The following PDE12 variants were observed in gnomAD, a reference collection of about 807,000 sequenced individuals.
PDE12 encodes phosphodiesterase 12.
Under a neutral mutation model 45.4 loss-of-function variants are expected in PDE12, and 26 were observed. That is an observed-to-expected ratio of 0.57 (90% CI 0.42 to 0.79). The LOEUF is 0.79. Among genes scored for constraint, PDE12 ranks in the 30% least tolerant of loss-of-function variants. PDE12 has a pLI of 0.00. For synonymous variants in PDE12, 283 were observed against 323.9 expected (o/e 0.87, Z 1.36); for missense variants, 668 against 790.0 (o/e 0.85, Z 1.85).
chr3:57,561,976 C>T lies in PDE12; in HGVS notation c.*1972C>T. 1.0e-6 allele frequency: 1 copy of T among 984,378 alleles called. No homozygotes were observed. The highest frequency in any genetic ancestry group is 1.2e-6 in the Non-Finnish European group (1 of 829,028). The allele number at this position is 984,378 out of a possible 1,614,324, so 61.0% of individuals were successfully genotyped here. The stretch of plus-strand genomic sequence containing the variant: ...TACCAAATTGTGCCTTCCTAAATAA[C>T]ATTTTTGAGAGCATTTTAACAGCAG... On this transcript the variant is annotated 3_prime_UTR_variant, in exon 3 of 3. Transcript: ENST00000311180.
chr3:57,640,903 C>T, the PDE12 span, among the ~76,000 whole-genome samples: 1 of 151,944 alleles, frequency 6.6e-6, no homozygotes, highest in Non-Finnish European at 1.5e-5. Flanking sequence ...AATTCATATA[C>T]TTAAACATCT....
At chr3:57,579,837 G>T in the PDE12 span, among the ~76,000 whole-genome samples, 1 of 152,058 alleles carries the variant, frequency 6.6e-6, no homozygotes, top group Non-Finnish European at 1.5e-5. Context: ...TGGCTGGCAT[G>T]GCACCTCTAA....
chr3:57,584,469 A>T, the PDE12 span: 1 of 1,610,066 alleles, frequency 6.2e-7, no homozygotes, highest in South Asian at 1.1e-5. Context: ...ATCCAACTAG[A>T]AGAAGACATT....
At chr3:57,640,921 TCC>T in the PDE12 span, among the ~76,000 whole-genome samples, 1 of 151,954 alleles carries the variant, frequency 6.6e-6, no homozygotes, top group Non-Finnish European at 1.5e-5. Flanking sequence ...TCTGTTAAAC[TCC>T]TACCATGAAC....
At chr3:57,569,298 C>T (rs556649909), downstream of PDE12, among the ~76,000 whole-genome samples, 1 of 152,134 alleles carries the variant, frequency 6.6e-6, no homozygotes, top group South Asian at 2.1e-4. Flanking sequence ...AAAAAAAATA[C>T]AAAGACTGAA....
At chr3:57,638,669 ATAAC>A in the PDE12 span, among the ~76,000 whole-genome samples, 3 of 152,124 alleles carry the variant, frequency 2.0e-5, no homozygotes, top group Admixed American at 2.0e-4. Flanking sequence ...AAATAAATAA[ATAAC>A]TAAATAAATA....
chr3:57,624,758 C>T, the PDE12 span, among the ~76,000 whole-genome samples: 58,190 of 149,926 alleles, frequency 0.39, 12,548 homozygotes, highest in South Asian at 0.56. Flanking sequence ...TGCAAGACTC[C>T]GTCTCAAGAA....
At chr3:57,628,354 G>C in the PDE12 span, 10 of 1,611,324 alleles carry the variant, frequency 6.2e-6, no homozygotes, top group Non-Finnish European at 6.8e-6. Context: ...AACTACATAA[G>C]GAACATTTCA....
chr3:57,617,605 G>A, the PDE12 span, among the ~76,000 whole-genome samples: 1 of 152,070 alleles, frequency 6.6e-6, no homozygotes, highest in Admixed American at 6.6e-5. Flanking sequence ...GCTCACACCT[G>A]TAATTCCAGC....
the PDE12 span, among the ~76,000 whole-genome samples, chr3:57,641,347 G>T: frequency 2.1e-5 from 3 of 141,168 alleles, no homozygotes; most frequent in African/African-American, 2.6e-5. Context: ...ATATATTTAA[G>T]TATATATTTA....
the PDE12 span, chr3:57,597,402 C>T: frequency 3.0e-6 from 1 of 331,888 alleles, no homozygotes; most frequent in Non-Finnish European, 5.6e-6. Flanking sequence ...CACGCGGCGG[C>T]CGCGGCGACT....
chr3:57,588,882 C>G, the PDE12 span, among the ~76,000 whole-genome samples: 1 of 152,110 alleles, frequency 6.6e-6, no homozygotes, highest in Non-Finnish European at 1.5e-5. Context: ...GCAGGTGGAT[C>G]ACCTGAAGTC....
At chr3:57,654,188 C>G in the PDE12 span, among the ~76,000 whole-genome samples, 1 of 151,820 alleles carries the variant, frequency 6.6e-6, no homozygotes, top group East Asian at 1.9e-4. Context: ...ATCTCCTGAC[C>G]TCGTGATCCA....
downstream of PDE12, chr3:57,571,648 C>T (rs1439099604): frequency 6.5e-6 from 1 of 152,712 alleles, no homozygotes. Context: ...CTATCAAATC[C>T]AAACCCCACC....
chr3:57,586,949 A>ACACACG, the PDE12 span, among the ~76,000 whole-genome samples: 1 of 152,066 alleles, frequency 6.6e-6, no homozygotes, highest in African/African-American at 2.4e-5. Context: ...AAACACACAC[A>ACACACG]CACACGCACA....
At chr3:57,646,160 A>G in the PDE12 span, among the ~76,000 whole-genome samples, 1 of 152,220 alleles carries the variant, frequency 6.6e-6, no homozygotes, top group Admixed American at 6.5e-5. Flanking sequence ...ATGGTGCTAT[A>G]ATAAGCATTA....
chr3:57,635,628 T>C, the PDE12 span, among the ~76,000 whole-genome samples: 1 of 152,180 alleles, frequency 6.6e-6, no homozygotes, highest in African/African-American at 2.4e-5. Context: ...GTTTAAATAG[T>C]TACATAGATC....
chr3:57,650,007 T>C, the PDE12 span, among the ~76,000 whole-genome samples: 1,060 of 151,996 alleles, frequency 7.0e-3, 7 homozygotes, highest in Non-Finnish European at 0.011. Flanking sequence ...CTAGATGGAA[T>C]TGGAGACCAT....
chr3:57,576,445 T>C, the PDE12 span, among the ~76,000 whole-genome samples: 2 of 152,002 alleles, frequency 1.3e-5, no homozygotes, highest in Non-Finnish European at 2.9e-5. Context: ...CTAAAAGCCA[T>C]TGATATGCAC....
Sources: gnomAD v4.1 joint callset for allele counts (sites outside exome capture counted in the v4.1 genomes callset) on GRCh38, gnomAD v4.1.1 for gene constraint, MANE v1.5 for transcripts, NCBI Gene and HGNC (gene_info 2026-07-23, HGNC 2026-07-21) for gene names.